DOK4: variants seen among roughly 807,000 people sequenced by gnomAD.
DOK4 encodes downstream of tyrosine kinase 4.
In DOK4, 26 loss-of-function variants were observed where a neutral mutation model predicts 40.1. The observed-to-expected ratio is 0.65, with a 90% CI of 0.48 to 0.90. The LOEUF (loss-of-function observed/expected upper bound fraction) is 0.90, where lower values mean the gene tolerates loss of function less well. Ranked by LOEUF, DOK4 falls within the 40% of genes least tolerant of loss-of-function variation. The probability of loss-of-function intolerance (pLI) is 0.00; values close to 1 mark genes in which losing one functional copy is unlikely to be tolerated. For synonymous variants in DOK4, 179 were observed against 177.0 expected (o/e 1.01, Z -0.09); for missense variants, 392 against 437.2 (o/e 0.90, Z 0.92).
Position 57,479,625 on chromosome 16 carries a change from G to C in DOK4, c.-118C>G, listed in dbSNP as rs1287049683. The stretch of plus-strand genomic sequence containing the variant: ...CCAGACACTCTGTCGGGGCTGCCGC[G>C]AGGGGCTGCTCCTCACCTCACCCGC... On this transcript the variant is annotated 5_prime_UTR_variant, in exon 2 of 9. Coordinates refer to ENST00000340099, the Ensembl canonical transcript of DOK4. The surrounding 1 kb of genome is among the most constrained non-coding windows in gnomAD (Gnocchi z 5.8). The C allele has an allele frequency of 4.6e-6, 5 of 1,087,798 alleles. No individual in the cohort carries two copies. The highest frequency in any genetic ancestry group is 3.1e-5 in the African/African-American group (2 of 65,050). The allele number at this position is 1,087,798 out of a possible 1,614,324, so 67.4% of individuals were successfully genotyped here.
rs1331767008 is a variant in DOK4, at chr16:57,475,231, G to C, written c.290-12C>G. On this transcript the variant is annotated splice_polypyrimidine_tract_variant and intron_variant, in intron 4 of 8. Coordinates refer to ENST00000340099, the Ensembl canonical transcript of DOK4. ...CTCTGCCTCTAGCTCTGAAGAAAAT[G>C]CTACTTCATCATGCAGCTCCAGAGC... 1 of 1,610,184 alleles carries C rather than the reference G, an allele frequency of 6.2e-7. No individual in the cohort carries two copies. Among genetic ancestry groups the C allele is most frequent in the Non-Finnish European group, 8.5e-7 (1 of 1,178,100 alleles).
At chr16:57,483,058 C>T (rs1055917534) in intron 1 of DOK4, among the ~76,000 whole-genome samples, 19 of 152,194 alleles carry the variant, frequency 1.2e-4, no homozygotes, top group African/African-American at 2.9e-4. Flanking sequence ...CAGCTCACTC[C>T]GGCCCTGAGT....
chr16:57,479,588 CAAT>C lies in DOK4; in HGVS notation c.-84_-82del. 6.8e-7 allele frequency: 1 copy of C among 1,479,696 alleles called. No individual in the cohort carries two copies. Among genetic ancestry groups the C allele is most frequent in the Non-Finnish European group, 9.4e-7 (1 of 1,067,824 alleles). 91.7% of individuals were successfully genotyped at this position (1,479,696 alleles called of 1,614,324 possible). On this transcript the variant is annotated 5_prime_UTR_variant, in exon 2 of 9. Coordinates refer to ENST00000340099, the Ensembl canonical transcript of DOK4. The surrounding 1 kb of genome is among the most constrained non-coding windows in gnomAD (Gnocchi z 5.8). ...CAGGTGCCTGGGTCTCCGGCTCCTC[CAAT>C]CACCTGTTCCAGACACTCTGTCGGG...
In DOK4 at chr16:57,479,035, G is replaced by T. The variant is rs369994582; in HGVS notation, c.66+407C>A. On this transcript the variant is annotated intron_variant, in intron 2 of 8. Coordinates refer to ENST00000340099, the Ensembl canonical transcript of DOK4. The surrounding 1 kb of genome is among the most constrained non-coding windows in gnomAD (Gnocchi z 5.8). ...GGAGAGGTGAGGGGAGGCCGGGGGT[G>T]GGGGGCAAACGGAAGGGAGAGGAGG... is the stretch of plus-strand genomic sequence containing the variant. Among the ~76,000 whole-genome samples, 2 of 152,172 alleles carry T rather than the reference G, an allele frequency of 1.3e-5. No individual in the cohort carries two copies. Among genetic ancestry groups the T allele is most frequent in the East Asian group, 3.8e-4 (2 of 5,196 alleles).
chr16:57,473,790 C>A, intron 7 of DOK4, 54 bp from the exon 8 acceptor site: 2 of 1,587,526 alleles, frequency 1.3e-6, no homozygotes, highest in Non-Finnish European at 1.7e-6. Flanking sequence ...TATCCCTGAG[C>A]AGCCACCCCA....
intron 7 of DOK4, 53 bp downstream of exon 7, chr16:57,473,848 G>T: frequency 3.1e-6 from 5 of 1,593,166 alleles, no homozygotes; most frequent in Non-Finnish European, 4.3e-6. Flanking sequence ...GGCCCTGCCT[G>T]CCCGCCCGTT....
intron 4 of DOK4, 113 bp downstream of exon 4, chr16:57,475,393 A>G (rs1232756434): frequency 1.5e-6 from 2 of 1,359,916 alleles, no homozygotes; most frequent in African/African-American, 2.9e-5. Context: ...AACCCCACAC[A>G]CACCACACCA....
At chr16:57,475,898 C>T in exon 3 of DOK4, 1 of 1,613,714 alleles carries the variant, frequency 6.2e-7, no homozygotes, top group South Asian at 1.1e-5. Context: ...GATACTTCTC[C>T]AGCCGCTGGG....
intron 5 of DOK4, 33 bp downstream of exon 5, chr16:57,475,067 C>A (rs2031082568): frequency 6.2e-6 from 10 of 1,606,458 alleles, no homozygotes; most frequent in Non-Finnish European, 8.5e-6. Context: ...CCTCCTCCCC[C>A]TCCCCACCCC....
At chr16:57,474,866 G>A in exon 6 of DOK4, 5 of 1,614,210 alleles carry the variant, frequency 3.1e-6, no homozygotes, top group Non-Finnish European at 4.2e-6. Flanking sequence ...CACGAGACGA[G>A]CTTCACACGG....
intron 6 of DOK4, among the ~76,000 whole-genome samples, 163 bp from the exon 7 acceptor site, chr16:57,474,202 C>A (rs1347963318): frequency 6.6e-6 from 1 of 152,210 alleles, no homozygotes; most frequent in Non-Finnish European, 1.5e-5. Context: ...ATGTGCTGAG[C>A]ATATTCTATA....
intron 4 of DOK4, 42 bp from the exon 5 acceptor site, chr16:57,475,261 T>G: frequency 1.3e-6 from 2 of 1,593,714 alleles, no homozygotes; most frequent in Non-Finnish European, 1.7e-6. Context: ...CAGAGCCCGG[T>G]AGCCCACCCC....
At chr16:57,475,681 T>TCTCTCTCTCG in intron 3 of DOK4, 61 bp from the exon 4 acceptor site, 1 of 879,028 alleles carries the variant, frequency 1.1e-6, no homozygotes, top group Non-Finnish European at 1.7e-6. Context: ...TCTCTCTCTC[T>TCTCTCTCTCG]CTCTCTCTCT....
chr16:57,480,662 G>C (rs190151146), intron 1 of DOK4, among the ~76,000 whole-genome samples: 1 of 152,052 alleles, frequency 6.6e-6, no homozygotes, highest in Non-Finnish European at 1.5e-5. Flanking sequence ...AGACATGCAG[G>C]AGACAATGTG....
Position 57,475,747 on chromosome 16 carries a change from TCC to T in DOK4, c.174+101_174+102del, listed in dbSNP as rs1371560410. 115 of 594,266 alleles carry T rather than the reference TCC, an allele frequency of 1.9e-4. No individual in the cohort carries two copies. The East Asian group carries it at 2.4e-3, about 12-fold the overall frequency. The allele number at this position is 594,266 out of a possible 1,614,324, so 36.8% of individuals were successfully genotyped here. On this transcript the variant is annotated intron_variant, in intron 3 of 8. Transcript: ENST00000340099. ...CCTTCTCTCTCCTCCTCTCCCTCTC[TCC>T]CCCTTTCTCCCCTCTCTCCCTCTCT...
At chr16:57,474,176 C>T (rs1438238106) in intron 6 of DOK4, 137 bp from the exon 7 acceptor site, 12 of 1,140,244 alleles carry the variant, frequency 1.1e-5, no homozygotes, top group Admixed American at 9.0e-5. Context: ...TCTGGGGGTC[C>T]GACCACACGG....
chr16:57,473,649 C>G (rs2146617821), exon 8 of DOK4: 1 of 1,614,226 alleles, frequency 6.2e-7, no homozygotes, highest in Non-Finnish European at 8.5e-7. Flanking sequence ...TTCTGGGAAC[C>G]AGTGATGTGG....
intron 3 of DOK4, 100 bp downstream of exon 3, chr16:57,475,750 C>T (rs1192120853): frequency 1.2e-6 from 1 of 867,810 alleles, no homozygotes; most frequent in Non-Finnish European, 1.8e-6. Flanking sequence ...CCCTCTCTCC[C>T]CCTTTCTCCC....
intron 1 of DOK4, among the ~76,000 whole-genome samples, chr16:57,482,380 T>G (rs2146667745): frequency 6.8e-6 from 1 of 147,140 alleles, no homozygotes; most frequent in South Asian, 2.2e-4. Context: ...TTTTTTTTTT[T>G]TTTTGAGACG....
Sources: gnomAD v4.1 joint callset for allele counts (sites outside exome capture counted in the v4.1 genomes callset) on GRCh38, gnomAD v4.1.1 for gene constraint, Gnocchi (gnomAD v3.1) non-coding constraint, MANE v1.5 for transcripts, NCBI Gene and HGNC (gene_info 2026-07-23, HGNC 2026-07-21) for gene names.